Variants in TGFBR3 observed in about 807,000 individuals in gnomAD.
TGFBR3 encodes the protein transforming growth factor beta receptor 3.
Under a neutral mutation model 87.9 loss-of-function variants are expected in TGFBR3, and 46 were observed. The observed-to-expected ratio is 0.52, with a 90% confidence interval of 0.41 to 0.67. The LOEUF (loss-of-function observed/expected upper bound fraction) is 0.67, where lower values mean the gene tolerates loss of function less well. TGFBR3 is among the 30% of genes least tolerant of loss of function. The probability of loss-of-function intolerance (pLI) is 0.00; values close to 1 mark genes in which losing one functional copy is unlikely to be tolerated. For missense variants in TGFBR3, 866 were observed against 1,041.9 expected, an observed-to-expected ratio of 0.83 and a Z score of 2.32; for synonymous variants, 381 against 391.6, an observed-to-expected ratio of 0.97 and a Z score of 0.32.
At chr1:91,735,958 T>C (rs1384293537) in intron 4 of TGFBR3, among the ~76,000 whole-genome samples, 2 of 152,214 alleles carry the variant, frequency 1.3e-5, no homozygotes, top group African/African-American at 4.8e-5. Context: ...ACGAAAAGCA[T>C]GCAGTTTCTG....
intron 2 of TGFBR3, among the ~76,000 whole-genome samples, chr1:91,830,808 T>C (rs1245560598): frequency 6.6e-6 from 1 of 152,052 alleles, no homozygotes; most frequent in Non-Finnish European, 1.5e-5. Context: ...GGGTCAGAGC[T>C]TGGTGCAAAA....
intron 10 of TGFBR3, among the ~76,000 whole-genome samples, chr1:91,718,781 G>A (rs1158552676): frequency 1.3e-5 from 2 of 152,194 alleles, no homozygotes; most frequent in African/African-American, 4.8e-5. Context: ...TTTCTTCAAT[G>A]TATGGTCTTT....
chr1:91,714,301 G>T (rs1253806424), intron 12 of TGFBR3, among the ~76,000 whole-genome samples: 2 of 152,138 alleles, frequency 1.3e-5, no homozygotes, highest in Non-Finnish European at 2.9e-5. Context: ...CTACCTATTA[G>T]TAATAGTAGT....
chr1:91,724,919 T>C (rs908463874), intron 7 of TGFBR3, among the ~76,000 whole-genome samples: 9 of 152,206 alleles, frequency 5.9e-5, no homozygotes, highest in Non-Finnish European at 1.0e-4. Context: ...GTAGTGCATA[T>C]GCCCACTGAG....
chr1:91,757,149 T>C lies in TGFBR3; in HGVS notation c.384+1464A>G, dbSNP rs576018551. 3.3e-4 allele frequency among the ~76,000 whole-genome samples: 51 copies of C among 152,352 alleles called. 1 individual carries two copies. The highest frequency in any genetic ancestry group is 1.2e-3 in the African/African-American group (49 of 41,592). On this transcript the variant is annotated intron_variant, in intron 4 of 16. Transcript: ENST00000212355. ...TCTTTTTGTCTCCTCTAATCTGGAA[T>C]GGCTCCCCAGCCTTTCTCTGTCTTT...
At chr1:91,838,615 C>T (rs979217946) in intron 2 of TGFBR3, among the ~76,000 whole-genome samples, 8 of 146,660 alleles carry the variant, frequency 5.5e-5, no homozygotes, top group Non-Finnish European at 9.0e-5. Flanking sequence ...CCCGTCATCA[C>T]ACCCGACTAA....
chr1:91,722,014 A>G lies in TGFBR3; in HGVS notation c.1016T>C (p.Ile339Thr). 2 of 1,613,696 alleles carry G rather than the reference A, an allele frequency of 1.2e-6. No homozygotes were observed. The highest frequency in any genetic ancestry group is 1.7e-5 in the Admixed American group (1 of 59,974). ...KWALDNGYSP[I>T]TSYTMAPVAN... ...CACAGGAGCCATTGTGTATGAAGTT[A>G]TTGGACTATAGCCATTGTCCAAAGC... Residue 339 changes from isoleucine to threonine, a missense_variant, in exon 8 of 17, where the codon ATA (isoleucine) becomes ACA (threonine). Ile to Thr is a moderately conservative substitution (Grantham distance 89, BLOSUM62 -1). Transcript: ENST00000212355.
At chr1:91,847,764 C>T (rs544719290) in intron 2 of TGFBR3, among the ~76,000 whole-genome samples, 2 of 152,196 alleles carry the variant, frequency 1.3e-5, no homozygotes, top group Admixed American at 1.3e-4. Context: ...CCCCTTTTAT[C>T]CACTCAGCCC....
chr1:91,824,381 C>T (rs1434274275), intron 2 of TGFBR3, among the ~76,000 whole-genome samples: 1 of 152,114 alleles, frequency 6.6e-6, no homozygotes, highest in Non-Finnish European at 1.5e-5. Context: ...ATGAGGACTA[C>T]AAACAGTTTG....
rs758217785 is a variant in TGFBR3, at chr1:91,683,689, C to T, written c.*50G>A. On this transcript the variant is annotated 3_prime_UTR_variant, in exon 17 of 17. Transcript: ENST00000212355. ...CCATTGGTCCTGCCCTTGGCAGTAG[C>T]TGAGCTGAGCTGGGCTGGGCTGGGT... The T allele has an allele frequency of 6.9e-6, 10 of 1,449,752 alleles. No individual in the cohort carries two copies. In the South Asian group the frequency reaches 1.2e-4, roughly 18 times the overall value. 89.8% of individuals were successfully genotyped at this position (1,449,752 alleles called of 1,614,324 possible).
At chr1:91,761,742 A>C (rs1352542451) in intron 3 of TGFBR3, among the ~76,000 whole-genome samples, 1 of 152,026 alleles carries the variant, frequency 6.6e-6, no homozygotes, top group Non-Finnish European at 1.5e-5. Flanking sequence ...TAAGTTGCTC[A>C]ATTTCTCCCA....
intron 2 of TGFBR3, among the ~76,000 whole-genome samples, chr1:91,808,821 GA>G (rs1675929730): frequency 6.6e-6 from 1 of 152,138 alleles, no homozygotes. Flanking sequence ...TCACAAGAAG[GA>G]AGCTTAAACA....
At chr1:91,716,106 C>A (rs1223862725) in intron 12 of TGFBR3, 130 bp downstream of exon 12, 8 of 1,117,150 alleles carry the variant, frequency 7.2e-6, no homozygotes, top group African/African-American at 3.1e-5. Context: ...CTGAGCCAAT[C>A]CCTCATCAGA....
chr1:91,811,851 A>G (rs995143054), intron 2 of TGFBR3, among the ~76,000 whole-genome samples: 2 of 152,170 alleles, frequency 1.3e-5, no homozygotes, highest in African/African-American at 2.4e-5. Flanking sequence ...AACCTTCCAA[A>G]ACAGATGTGT....
intron 4 of TGFBR3, among the ~76,000 whole-genome samples, chr1:91,743,573 T>C (rs1043903021): frequency 6.6e-6 from 1 of 152,230 alleles, no homozygotes; most frequent in South Asian, 2.1e-4. Flanking sequence ...CCATATAATA[T>C]GCTTATTGCC....
intron 6 of TGFBR3, among the ~76,000 whole-genome samples, chr1:91,729,298 A>ACACACACACT (rs1011144942): frequency 2.0e-5 from 3 of 150,280 alleles, no homozygotes; most frequent in Admixed American, 1.3e-4. Context: ...ACACACACAC[A>ACACACACACT]CACACACACA....
intron 14 of TGFBR3, among the ~76,000 whole-genome samples, chr1:91,703,698 C>T (rs141407386): frequency 2.8e-4 from 42 of 152,248 alleles, no homozygotes; most frequent in Non-Finnish European, 5.3e-4. Flanking sequence ...CTGTAAAAAG[C>T]GGTCACAGAA....
rs563957012 is a variant in TGFBR3, at chr1:91,688,612, C to T, written c.2438-4755G>A. Among the ~76,000 whole-genome samples, 11 of 152,226 alleles carry T rather than the reference C, an allele frequency of 7.2e-5. No individual in the cohort carries two copies. The South Asian group carries it at 8.3e-4, about 11-fold the overall frequency. On this transcript the variant is annotated intron_variant, in intron 16 of 16. Coordinates refer to ENST00000212355, the MANE Select transcript of TGFBR3 (RefSeq NM_003243.5). ...TGTGTAAGCAGAAAAAAAATCTAAG[C>T]GTGTAAGGAACACTGTTTCACAGAG...
intron 1 of TGFBR3, among the ~76,000 whole-genome samples, chr1:91,901,960 A>T (rs1007303573): frequency 2.0e-5 from 3 of 146,882 alleles, no homozygotes; most frequent in Non-Finnish European, 4.5e-5. Context: ...AAAAAACGGT[A>T]TGTGTTCACT....
Sources: gnomAD v4.1 joint callset for allele counts (sites outside exome capture counted in the v4.1 genomes callset) on GRCh38, gnomAD v4.1.1 for gene constraint, MANE v1.5 for transcripts, NCBI Gene and HGNC (gene_info 2026-07-23, HGNC 2026-07-21) for gene names.